YLPM1: variants seen among roughly 807,000 people sequenced by gnomAD.
YLPM1 encodes the protein YLP motif containing 1.
A neutral mutation model predicts 230.0 loss-of-function variants in YLPM1; 99 were observed. That is an observed-to-expected ratio of 0.43 (90% CI 0.37 to 0.51). YLPM1 has a LOEUF of 0.51. Ranked by LOEUF, YLPM1 falls within the 20% of genes least tolerant of loss-of-function variation. YLPM1 has a pLI of 0.00. For missense variants in YLPM1, 2,592 were observed against 2,707.7 expected (o/e 0.96, Z 0.95); for synonymous variants, 984 against 942.5 (o/e 1.04, Z -0.81).
At chr14:74,818,400 G>C (rs1305692964) in intron 16 of YLPM1, 86 bp downstream of exon 16, 3 of 1,151,412 alleles carry the variant, frequency 2.6e-6, no homozygotes, top group African/African-American at 3.1e-5. Context: ...CTACAGAAAA[G>C]TTATATGAAT....
At position 74,812,227 on chromosome 14, in the gene YLPM1, C is replaced by T. The variant is rs7161334; in HGVS notation, c.5348-401C>T. Among the ~76,000 whole-genome samples, 1,060 of 152,298 alleles carry T rather than the reference C, an allele frequency of 7.0e-3. 16 individuals are homozygous for T. Among genetic ancestry groups the T allele is most frequent in the African/African-American group, 0.025 (1,019 of 41,568 alleles). ...TTCACTGCTATGATTTACACTTAAA[C>T]TAGAAACTCATACCTATTTTTAGGA... On this transcript the variant is annotated intron_variant, in intron 10 of 20. Transcript: ENST00000325680.
At chr14:74,802,211 CTG>C (rs1566754559) in intron 5 of YLPM1, among the ~76,000 whole-genome samples, 2 of 115,006 alleles carry the variant, frequency 1.7e-5, no homozygotes, top group African/African-American at 5.8e-5. Context: ...GAGTGAGACT[CTG>C]TCTCAAAAAA....
At chr14:74,831,827 G>A (rs1251666372) in intron 19 of YLPM1, among the ~76,000 whole-genome samples, 1 of 152,158 alleles carries the variant, frequency 6.6e-6, no homozygotes, top group Non-Finnish European at 1.5e-5. Flanking sequence ...ATATCAGATG[G>A]GTTCTTGGGA....
intron 10 of YLPM1, among the ~76,000 whole-genome samples, chr14:74,812,070 C>G (rs2091439547): frequency 6.6e-6 from 1 of 152,064 alleles, no homozygotes; most frequent in Non-Finnish European, 1.5e-5. Context: ...CGTGATTGTT[C>G]TGATTGATAT....
chr14:74,825,073 T>C (rs2140141717), intron 18 of YLPM1, among the ~76,000 whole-genome samples: 1 of 152,304 alleles, frequency 6.6e-6, no homozygotes, highest in South Asian at 2.1e-4. Flanking sequence ...CTAAGGACTT[T>C]TTGAGATCAG....
At chr14:74,822,682 A>G (rs2091531408) in intron 17 of YLPM1, among the ~76,000 whole-genome samples, 1 of 152,144 alleles carries the variant, frequency 6.6e-6, no homozygotes, top group African/African-American at 2.4e-5. Flanking sequence ...ATTGGAGTCC[A>G]TTCCAAGAGT....
At chr14:74,832,752 C>T (rs1242721870) in intron 19 of YLPM1, among the ~76,000 whole-genome samples, 3 of 152,156 alleles carry the variant, frequency 2.0e-5, no homozygotes, top group Non-Finnish European at 4.4e-5. Flanking sequence ...GGATTACAGG[C>T]GTGAGCCACT....
Position 74,798,256 on chromosome 14 carries a change from A to G in YLPM1, c.2959A>G (p.Ile987Val). The G allele has an allele frequency of 1.2e-6, 2 of 1,613,992 alleles. No homozygotes were observed. The highest frequency in any genetic ancestry group is 8.5e-7 in the Non-Finnish European group (1 of 1,179,892). Reference sequence around the variant, plus strand: ...AGATAATGATTTTAAACCTGTGGGTATTGGTCTACCCCATTCAGAAAACAA... The same window carrying G: ...AGATAATGATTTTAAACCTGTGGGTGTTGGTCTACCCCATTCAGAAAACAA... ...TADNDFKPVG[I>V]GLPHSENNQD... is the part of the protein sequence containing the mutation. Residue 987 changes from isoleucine (I) to valine (V), a missense_variant, in exon 5 of 21, where the codon ATT becomes GTT. This residue lies in a region of YLPM1 where 1,862 missense variants were observed against 1,819.8 expected (regional missense o/e 1.02). Coordinates refer to ENST00000325680, the MANE Select transcript of YLPM1 (RefSeq NM_019589.3).
chr14:74,819,455 A>G (rs1002850848), intron 16 of YLPM1, among the ~76,000 whole-genome samples: 1 of 151,842 alleles, frequency 6.6e-6, no homozygotes, highest in African/African-American at 2.4e-5. Flanking sequence ...TTGTATTTTT[A>G]GTAGAGATGG....
At chr14:74,778,975 G>A (rs1044519905) in intron 2 of YLPM1, among the ~76,000 whole-genome samples, 8 of 152,104 alleles carry the variant, frequency 5.3e-5, no homozygotes, top group Admixed American at 4.6e-4. Flanking sequence ...TGAGTAGCTG[G>A]GATGACAGGC....
chr14:74,770,944 A>G (rs1352723556), intron 1 of YLPM1, among the ~76,000 whole-genome samples: 1 of 152,200 alleles, frequency 6.6e-6, no homozygotes, highest in East Asian at 1.9e-4. Flanking sequence ...CTTTGATGGT[A>G]TTAGTTGAGA....
rs990920540 is a variant in YLPM1 at position 74,810,387 on chromosome 14, G to A, written c.5195G>A (p.Arg1732Gln). The change falls in exon 9 of 21, where the codon CGA becomes CAA. Residue 1732 changes from arginine (R) to glutamine (Q), a missense_variant. This residue lies in a region of YLPM1 where 403 missense variants were observed against 426.7 expected (regional missense o/e 0.94). Coordinates refer to ENST00000325680, the MANE Select transcript of YLPM1 (RefSeq NM_019589.3). ...GGTGTTATTGACTATGACCGGGATC[G>A]ATTTGACAGAGAACGCCGACCCCGA... Reference protein sequence around the residue: ...DRGVIDYDRDRFDRERRPRDD... With the variant: ...DRGVIDYDRDQFDRERRPRDD... 1.2e-6 allele frequency: 2 copies of A among 1,601,120 alleles called. No individual in the cohort carries two copies. Among genetic ancestry groups the A allele is most frequent in the African/African-American group, 1.4e-5 (1 of 72,856 alleles).
chr14:74,798,439 G>A lies in YLPM1; in HGVS notation c.3142G>A (p.Gly1048Ser), dbSNP rs1300846244. ...AGGTCGCGGCCAGGCAATCAGTCGAGGCCCAGGATTGGTCAAGCAAGAAGA... is the reference window on the plus strand; with the variant it reads ...AGGTCGCGGCCAGGCAATCAGTCGAAGCCCAGGATTGGTCAAGCAAGAAGA... Reference protein sequence around the residue: ...NRGRGQAISRGPGLVKQEDFR... With the variant: ...NRGRGQAISRSPGLVKQEDFR... Residue 1048 changes from glycine to serine, a missense_variant, in exon 5 of 21, where the codon GGC becomes AGC. Gly to Ser is a moderately conservative substitution (Grantham distance 56). Coordinates refer to ENST00000325680, the MANE Select transcript of YLPM1 (RefSeq NM_019589.3). The A allele has an allele frequency of 6.2e-7, 1 of 1,613,840 alleles. No individual in the cohort carries two copies. Among genetic ancestry groups the A allele is most frequent in the Non-Finnish European group, 8.5e-7 (1 of 1,179,894 alleles).
At chr14:74,809,078 G>A (rs952336251) in intron 6 of YLPM1, among the ~76,000 whole-genome samples, 2 of 150,810 alleles carry the variant, frequency 1.3e-5, no homozygotes, top group African/African-American at 4.9e-5. Flanking sequence ...TTTCTTTGGA[G>A]AAATATCTAT....
In YLPM1 at chr14:74,799,686, G is replaced by T; in HGVS notation, c.4389G>T (p.Leu1463=). ...TCATTTTGAAAGCTGCACAAGAACTGAAAATGCTTCGGTAAGTTGACTCCT... is the reference window on the plus strand; with the variant it reads ...TCATTTTGAAAGCTGCACAAGAACTTAAAATGCTTCGGTAAGTTGACTCCT... ...HEIILKAAQE[L]KMLREQKEQL... is the part of the protein sequence containing the mutation. The change falls in exon 5 of 21, where the codon CTG becomes CTT. Residue 1463 remains leucine, a synonymous_variant. Transcript: ENST00000325680. 1 of 1,605,404 alleles carries T rather than the reference G, an allele frequency of 6.2e-7. No homozygotes were observed.
In YLPM1 at chr14:74,763,552, G is replaced by T; in HGVS notation, c.63G>T (p.Pro21=). Residue 21 remains proline, a synonymous_variant, in exon 1 of 21, where the codon CCG becomes CCT. Coordinates refer to ENST00000325680, the MANE Select transcript of YLPM1 (RefSeq NM_019589.3). The part of the protein sequence containing the change: ...SSHYPPPPVP[P]PPPVALPEAS... ...ACTATCCGCCGCCACCGGTCCCACCGCCGCCGCCAGTGGCGCTTCCTGAGG... is the reference window on the plus strand; with the variant it reads ...ACTATCCGCCGCCACCGGTCCCACCTCCGCCGCCAGTGGCGCTTCCTGAGG... 1 of 1,537,368 alleles carries T rather than the reference G, an allele frequency of 6.5e-7. No homozygotes were observed. Among genetic ancestry groups the T allele is most frequent in the Non-Finnish European group, 8.8e-7 (1 of 1,140,670 alleles).
intron 11 of YLPM1, 33 bp from the exon 12 acceptor site, chr14:74,816,170 A>ATTTTTTTTTTTTTTTTTTTTTTT: frequency 7.1e-7 from 1 of 1,401,076 alleles, no homozygotes; most frequent in Non-Finnish European, 9.6e-7. Context: ...TCTCTCAGTG[A>ATTTTTTTTTTTTTTTTTTTTTTT]TTTTTTTTTT....
rs73305745 is a variant in YLPM1 at position 74,814,066 on chromosome 14, A to G, written c.5502+1284A>G. ...AGAGAAAAAAATACAATCTTTTACC[A>G]TTAAGAATGATGTTGCTGGGTGTGG... On this transcript the variant is annotated intron_variant, in intron 11 of 20. Transcript: ENST00000325680. Among the ~76,000 whole-genome samples, 564 of 152,346 alleles carry G rather than the reference A, an allele frequency of 3.7e-3. 5 individuals are homozygous for G. The highest frequency in any genetic ancestry group is 0.013 in the African/African-American group (541 of 41,578).
At chr14:74,807,872 G>T (rs2140122291) in intron 6 of YLPM1, among the ~76,000 whole-genome samples, 1 of 152,328 alleles carries the variant, frequency 6.6e-6, no homozygotes, top group African/African-American at 2.4e-5. Context: ...GGTCTCTAGA[G>T]TAGGAAGATA....
Sources: allele counts gnomAD v4.1 joint callset (sites outside exome capture counted in the v4.1 genomes callset), GRCh38; gene constraint gnomAD v4.1.1; regional missense constraint gnomAD v4.1.1; transcripts MANE v1.5; gene names NCBI Gene and HGNC (gene_info 2026-07-23, HGNC 2026-07-21).